XIRP2: variants seen among roughly 807,000 people sequenced by gnomAD.
The protein encoded by XIRP2 is xin actin-binding repeat-containing protein 2.
A neutral mutation model predicts 277.0 loss-of-function variants in XIRP2; 236 were observed. The observed-to-expected ratio is 0.85, with a 90% confidence interval of 0.77 to 0.95. The LOEUF (loss-of-function observed/expected upper bound fraction) is 0.95. XIRP2 is among the 40% of genes least tolerant of loss of function. The pLI, the probability that XIRP2 is intolerant of heterozygous loss-of-function variation, is 0.00. For synonymous variants in XIRP2, 1,490 were observed against 1,416.5 expected, an observed-to-expected ratio of 1.05 and a Z score of -1.17; for missense variants, 4,640 against 4,157.5, an observed-to-expected ratio of 1.12 and a Z score of -3.19.
At chr2:167,010,583 T>G (rs568551438) in intron 2 of XIRP2, among the ~76,000 whole-genome samples, 117 of 151,850 alleles carry the variant, frequency 7.7e-4, no homozygotes, top group East Asian at 3.5e-3. Context: ...GAACTTTAAA[T>G]TAGTTTTTTC....
chr2:167,050,817 T>C (rs935995075), intron 2 of XIRP2, among the ~76,000 whole-genome samples: 7 of 151,932 alleles, frequency 4.6e-5, no homozygotes, highest in Non-Finnish European at 7.4e-5. Flanking sequence ...GCACATTTTT[T>C]TTTTTTAATA....
At chr2:166,994,220 C>T (rs1382137998) in intron 2 of XIRP2, among the ~76,000 whole-genome samples, 5 of 16,594 alleles carry the variant, frequency 3.0e-4, no homozygotes, top group South Asian at 2.9e-3. Flanking sequence ...AGTAAACTAT[C>T]GCAAGAACAA....
chr2:167,152,440 A>T, intron 3 of XIRP2, among the ~76,000 whole-genome samples: 1 of 152,040 alleles, frequency 6.6e-6, no homozygotes, highest in East Asian at 1.9e-4. Context: ...ACGTTCAACA[A>T]TTCTTTGAGT....
chr2:166,946,409 T>C (rs1454791356), intron 2 of XIRP2, among the ~76,000 whole-genome samples: 2 of 152,182 alleles, frequency 1.3e-5, no homozygotes, highest in Non-Finnish European at 2.9e-5. Flanking sequence ...GAATCTACTT[T>C]TCCTTTTATT....
chr2:167,040,625 C>G (rs1434385099), intron 2 of XIRP2, among the ~76,000 whole-genome samples: 1 of 152,162 alleles, frequency 6.6e-6, no homozygotes, highest in Non-Finnish European at 1.5e-5. Flanking sequence ...ATCCCAAAGG[C>G]TTACCATGCT....
chr2:167,161,251 C>A (rs1384594019), intron 3 of XIRP2, among the ~76,000 whole-genome samples: 1 of 152,170 alleles, frequency 6.6e-6, no homozygotes, highest in Non-Finnish European at 1.5e-5. Context: ...ATACCATTCT[C>A]GAGTCTGGAA....
At chr2:166,915,364 A>G (rs1294264664) in intron 2 of XIRP2, among the ~76,000 whole-genome samples, 1 of 151,842 alleles carries the variant, frequency 6.6e-6, no homozygotes, top group Non-Finnish European at 1.5e-5. Context: ...CACAAAAAGC[A>G]TGTGGGATAC....
At chr2:167,254,933 A>G (rs1381165877) in intron 10 of XIRP2, among the ~76,000 whole-genome samples, 1 of 150,812 alleles carries the variant, frequency 6.6e-6, no homozygotes, top group East Asian at 2.0e-4. Context: ...GCTAAATCTA[A>G]TGTGCATCTC....
At chr2:167,042,457 ATGACACC>A (rs1688682061) in intron 2 of XIRP2, among the ~76,000 whole-genome samples, 1 of 152,158 alleles carries the variant, frequency 6.6e-6, no homozygotes, top group African/African-American at 2.4e-5. Flanking sequence ...ATCAAATGCA[ATGACACC>A]TGTAGGCTCA....
intron 2 of XIRP2, among the ~76,000 whole-genome samples, chr2:167,001,175 A>T (rs918831923): frequency 3.3e-5 from 5 of 152,152 alleles, no homozygotes; most frequent in African/African-American, 1.2e-4. Context: ...TACCCTAAAC[A>T]GGTGCTTCCT....
chr2:167,241,083 A>C (rs1038569066), intron 7 of XIRP2, among the ~76,000 whole-genome samples: 5 of 152,162 alleles, frequency 3.3e-5, no homozygotes, highest in Non-Finnish European at 7.4e-5. Context: ...GACTGAATTA[A>C]TTTTAATAAC....
chr2:167,175,928 C>T (rs770650433), intron 3 of XIRP2, among the ~76,000 whole-genome samples: 1 of 152,196 alleles, frequency 6.6e-6, no homozygotes, highest in Non-Finnish European at 1.5e-5. Context: ...GAGGGAAAAA[C>T]CACCTACTCA....
intron 2 of XIRP2, among the ~76,000 whole-genome samples, chr2:167,053,253 G>A (rs2105538444): frequency 6.6e-6 from 1 of 152,256 alleles, no homozygotes; most frequent in Non-Finnish European, 1.5e-5. Context: ...TGGACATATT[G>A]AAATATTTAA....
chr2:167,002,992 T>C (rs1352019864), intron 2 of XIRP2, among the ~76,000 whole-genome samples: 2 of 151,932 alleles, frequency 1.3e-5, no homozygotes, highest in East Asian at 3.9e-4. Context: ...ATTTGCATAT[T>C]ACTCAGAACC....
At chr2:167,177,276 A>G (rs1172059772) in intron 3 of XIRP2, among the ~76,000 whole-genome samples, 1 of 152,182 alleles carries the variant, frequency 6.6e-6, no homozygotes, top group African/African-American at 2.4e-5. Context: ...ATTTCAGTTC[A>G]TTAGGTTTCT....
At chr2:166,952,890 G>T (rs970612010) in intron 2 of XIRP2, among the ~76,000 whole-genome samples, 1 of 149,636 alleles carries the variant, frequency 6.7e-6, no homozygotes, top group African/African-American at 2.5e-5. Flanking sequence ...ATGAAGAAAA[G>T]CTTCTGTTTC....
At chr2:167,182,063 T>C (rs1009769183) in intron 3 of XIRP2, among the ~76,000 whole-genome samples, 3 of 152,188 alleles carry the variant, frequency 2.0e-5, no homozygotes, top group Non-Finnish European at 4.4e-5. Flanking sequence ...ACCTTATTCA[T>C]ACTTTATTAA....
At chr2:166,994,941 T>A (rs1185606100) in intron 2 of XIRP2, among the ~76,000 whole-genome samples, 1 of 149,930 alleles carries the variant, frequency 6.7e-6, no homozygotes, top group Non-Finnish European at 1.5e-5. Context: ...TTTGACCGAG[T>A]CTCCATCTCA....
chr2:166,939,380 G>C (rs974542889), intron 2 of XIRP2, among the ~76,000 whole-genome samples: 1 of 152,046 alleles, frequency 6.6e-6, no homozygotes, highest in African/African-American at 2.4e-5. Flanking sequence ...TGAAATTCTG[G>C]GTTGAAAATT....
Sources: allele counts gnomAD v4.1 joint callset (sites outside exome capture counted in the v4.1 genomes callset), GRCh38; gene constraint gnomAD v4.1.1; transcripts MANE v1.5; gene names NCBI Gene and HGNC (gene_info 2026-07-23, HGNC 2026-07-21).